The following LRP1B variants were observed in gnomAD, a reference collection of about 807,000 sequenced individuals.
LRP1B encodes LDL receptor related protein 1B.
In LRP1B, 217 loss-of-function variants were observed where a neutral mutation model predicts 556.6. The observed-to-expected ratio is 0.39, with a 90% CI of 0.35 to 0.44. The LOEUF is 0.44. Ranked by LOEUF, LRP1B falls within the 20% of genes least tolerant of loss-of-function variation. The pLI is 1.00. For missense variants in LRP1B, 5,053 were observed against 5,620.8 expected, an observed-to-expected ratio of 0.90 and a Z score of 3.23; for synonymous variants, 2,047 against 1,865.8, an observed-to-expected ratio of 1.10 and a Z score of -2.50.
intron 2 of LRP1B, among the ~76,000 whole-genome samples, chr2:141,808,857 T>C (rs1696248224): frequency 1.3e-5 from 2 of 152,120 alleles, no homozygotes; most frequent in Admixed American, 6.6e-5. Flanking sequence ...ACATGTGATC[T>C]TTTTTGATGA....
At chr2:140,375,173 ATGTGTGTGTGTGTGTGTGTG>A (rs34597866) in intron 68 of LRP1B, among the ~76,000 whole-genome samples, 2 of 144,108 alleles carry the variant, frequency 1.4e-5, no homozygotes, top group Non-Finnish European at 3.1e-5. Context: ...TACTGTGTGT[ATGTGTGTGTGTGTGTGTGTG>A]TGTGTGTGTG....
chr2:141,319,372 G>C (rs1240844256), intron 3 of LRP1B, among the ~76,000 whole-genome samples: 1 of 126,126 alleles, frequency 7.9e-6, no homozygotes, highest in Non-Finnish European at 1.6e-5. Context: ...AGCAGCATCT[G>C]TAATTGTAAA....
chr2:140,532,939 T>TACAC (rs1392870411), intron 47 of LRP1B, among the ~76,000 whole-genome samples: 8 of 114,244 alleles, frequency 7.0e-5, no homozygotes, highest in African/African-American at 2.4e-4. Context: ...GATATATATA[T>TACAC]ATATATATAC....
chr2:141,387,269 A>G (rs1461329489), intron 3 of LRP1B, among the ~76,000 whole-genome samples: 11 of 152,006 alleles, frequency 7.2e-5, no homozygotes, highest in African/African-American at 2.4e-4. Context: ...AATTTAAGGA[A>G]CTATGAAAAA....
chr2:140,323,876 T>A lies in LRP1B; in HGVS notation c.12514+17A>T, dbSNP rs1444483720. On this transcript the variant is annotated intron_variant, in intron 81 of 90. Transcript: ENST00000389484. ...TAATTTACCAATATAGACAACTTCA[T>A]AATATATTATACTTACAATCTAGTT... The A allele has an allele frequency of 7.8e-7, 1 of 1,275,594 alleles. No homozygotes were observed. Among genetic ancestry groups the A allele is most frequent in the South Asian group, 1.4e-5 (1 of 73,146 alleles). The allele number at this position is 1,275,594 out of a possible 1,614,324, so 79.0% of individuals were successfully genotyped here.
chr2:141,074,606 TG>T (rs1309928787), intron 7 of LRP1B, among the ~76,000 whole-genome samples: 2 of 128,824 alleles, frequency 1.6e-5, no homozygotes, highest in African/African-American at 5.6e-5. Flanking sequence ...TATATATATA[TG>T]TTTTTTATAT....
At chr2:141,464,606 A>ATATTTTTTTTTTTTTTTTTTTTTTTTTTT in intron 3 of LRP1B, among the ~76,000 whole-genome samples, 2 of 90,540 alleles carry the variant, frequency 2.2e-5, no homozygotes, top group Non-Finnish European at 4.4e-5. Flanking sequence ...ATATATATAT[A>ATATTTTTTTTTTTTTTTTTTTTTTTTTTT]TTTTTTTAGT....
chr2:141,063,674 T>C (rs1699402681), intron 7 of LRP1B, among the ~76,000 whole-genome samples: 1 of 151,834 alleles, frequency 6.6e-6, no homozygotes, highest in African/African-American at 2.4e-5. Context: ...ATCTCTGTTT[T>C]CCTCACTTAT....
chr2:142,004,726 A>G (rs922556697), intron 1 of LRP1B, among the ~76,000 whole-genome samples: 2 of 151,558 alleles, frequency 1.3e-5, no homozygotes, highest in Non-Finnish European at 2.9e-5. Flanking sequence ...GGTGCCGGTA[A>G]TCCCAGCTAC....
chr2:140,374,112 T>C (rs1683114754), intron 68 of LRP1B, among the ~76,000 whole-genome samples: 1 of 152,124 alleles, frequency 6.6e-6, no homozygotes. Flanking sequence ...AGATGGCAAA[T>C]TTACCTTTGA....
At chr2:140,394,989 G>A (rs1684188395) in intron 66 of LRP1B, among the ~76,000 whole-genome samples, 1 of 152,060 alleles carries the variant, frequency 6.6e-6, no homozygotes, top group Non-Finnish European at 1.5e-5. Context: ...GTGAATACTT[G>A]GATACAAATT....
chr2:141,182,210 A>T (rs181383096), intron 7 of LRP1B, among the ~76,000 whole-genome samples: 4 of 152,176 alleles, frequency 2.6e-5, no homozygotes, highest in Admixed American at 2.6e-4. Context: ...ATACATAAAA[A>T]ATATTTAGAT....
Position 141,918,640 on chromosome 2 carries a change from G to T in LRP1B, c.83-108239C>A, listed in dbSNP as rs143072982. ...CAAATCAATTTCATTCTATTATATCGGTGAATTAGTTTCTTTTCGTGAATT... is the reference window on the plus strand; with the variant it reads ...CAAATCAATTTCATTCTATTATATCTGTGAATTAGTTTCTTTTCGTGAATT... On this transcript the variant is annotated intron_variant, in intron 1 of 90. Transcript: ENST00000389484. Among the ~76,000 whole-genome samples the T allele has an allele frequency of 2.0e-4, 31 of 152,066 alleles. 1 individual carries two copies. The East Asian group carries it at 5.8e-3, about 28-fold the overall frequency.
Position 142,123,957 on chromosome 2 carries a change from TAA to T in LRP1B, c.82+6689_82+6690del, listed in dbSNP as rs200775254. On this transcript the variant is annotated intron_variant, in intron 1 of 90. Coordinates refer to ENST00000389484, the MANE Select transcript of LRP1B (RefSeq NM_018557.3). ...GTATTTACAACTATTCTGCAATATTTAAGAAGAAATCCCAAATGTAGACAATA... is the reference window on the plus strand; with the variant it reads ...GTATTTACAACTATTCTGCAATATTTGAAGAAATCCCAAATGTAGACAATA... Among the ~76,000 whole-genome samples the T allele has an allele frequency of 3.4e-3, 523 of 152,094 alleles. 2 individuals are homozygous for T. Among genetic ancestry groups the T allele is most frequent in the African/African-American group, 0.011 (476 of 41,554 alleles).
rs570300684 is a variant in LRP1B at position 140,563,890 on chromosome 2, G to T, written c.7195-21919C>A. 2.4e-4 allele frequency among the ~76,000 whole-genome samples: 36 copies of T among 152,244 alleles called. No homozygotes were observed. The South Asian group carries it at 4.8e-3, about 20-fold the overall frequency. On this transcript the variant is annotated intron_variant, in intron 43 of 90. Coordinates refer to ENST00000389484, the MANE Select transcript of LRP1B (RefSeq NM_018557.3). ...GAAGATGAATGGATTGAAGTAGATG[G>T]ACAGAAGCCTAAGGTCTGTTGTCTT...
Position 140,598,788 on chromosome 2 carries a change from C to A in LRP1B, c.7037G>T (p.Arg2346Ile), listed in dbSNP as rs758423489. The A allele has an allele frequency of 6.2e-7, 1 of 1,611,948 alleles. No individual in the cohort carries two copies. Among genetic ancestry groups the A allele is most frequent in the Non-Finnish European group, 8.5e-7 (1 of 1,178,184 alleles). Reference sequence around the variant, plus strand: ...AGCATTTTTCCCAGTCAGAGTAGATCTCATGATACTTGGATGTTGTTCATT... The same window carrying A: ...AGCATTTTTCCCAGTCAGAGTAGATATCATGATACTTGGATGTTGTTCATT... ...NWNEQHPSIM[R>I]STLTGKNAQV... Residue 2346 changes from arginine to isoleucine, a missense_variant, in exon 43 of 91, where the codon AGA becomes ATA. This residue lies in a region of LRP1B where 3,619 missense variants were observed against 3,931.9 expected (regional missense o/e 0.92). Coordinates refer to ENST00000389484, the MANE Select transcript of LRP1B (RefSeq NM_018557.3).
intron 18 of LRP1B, among the ~76,000 whole-genome samples, chr2:140,974,362 A>G (rs1696525175): frequency 6.6e-6 from 1 of 152,204 alleles, no homozygotes; most frequent in African/African-American, 2.4e-5. Context: ...TTCAACTACA[A>G]CAGTCTCTAA....
At chr2:141,410,936 T>A (rs4438428) in intron 3 of LRP1B, among the ~76,000 whole-genome samples, 151,900 of 152,172 alleles carry the variant, frequency 1, 75,814 homozygotes, top group Middle Eastern at 1. Flanking sequence ...TCTAAGTATT[T>A]AAAAATGCAC....
At chr2:141,265,783 G>C (rs1201420908) in intron 3 of LRP1B, among the ~76,000 whole-genome samples, 1 of 152,120 alleles carries the variant, frequency 6.6e-6, no homozygotes, top group Non-Finnish European at 1.5e-5. Context: ...TTTTATGAAT[G>C]ATGAGTAATT....
Sources: allele counts gnomAD v4.1 joint callset (sites outside exome capture counted in the v4.1 genomes callset), GRCh38; gene constraint gnomAD v4.1.1; regional missense constraint gnomAD v4.1.1; transcripts MANE v1.5; gene names NCBI Gene and HGNC (gene_info 2026-07-23, HGNC 2026-07-21).